Variants in GRB10 observed in about 807,000 individuals in gnomAD.
GRB10 encodes the protein growth factor receptor bound protein 10, also known as growth factor receptor-bound protein 10.
Under a neutral mutation model 80.9 loss-of-function variants are expected in GRB10, and 20 were observed. The observed-to-expected ratio is 0.25, with a 90% CI of 0.17 to 0.36. The LOEUF is 0.36. Ranked by LOEUF, GRB10 falls within the 10% of genes least tolerant of loss-of-function variation. GRB10 has a pLI of 1.00. For synonymous variants in GRB10, 291 were observed against 291.5 expected, an observed-to-expected ratio of 1.00 and a Z score of 0.02; for missense variants, 548 against 747.7, an observed-to-expected ratio of 0.73 and a Z score of 3.12.
intron 7 of GRB10, among the ~76,000 whole-genome samples, chr7:50,633,139 T>G (rs2715116): frequency 0.53 from 80,193 of 152,072 alleles, 21,296 homozygotes; most frequent in Admixed American, 0.54. Flanking sequence ...AAGTAATTCC[T>G]GCTGACAGTA....
chr7:50,767,206 G>A (rs1279297740), intron 2 of GRB10, among the ~76,000 whole-genome samples: 3 of 152,192 alleles, frequency 2.0e-5, no homozygotes, highest in African/African-American at 7.2e-5. Flanking sequence ...CTGCCGGGAA[G>A]TCCAAGGCAG....
intron 8 of GRB10, among the ~76,000 whole-genome samples, chr7:50,625,066 T>C (rs1246824478): frequency 6.6e-6 from 1 of 152,236 alleles, no homozygotes; most frequent in Non-Finnish European, 1.5e-5. Context: ...TCTCTCAGAG[T>C]AAATGGTTCT....
chr7:50,645,483 C>T lies in GRB10; in HGVS notation c.505-18505G>A, dbSNP rs1046087645. On this transcript the variant is annotated intron_variant, in intron 7 of 18. Transcript: ENST00000401949. Reference sequence around the variant, plus strand: ...AAGAAACATGAGCCAAAAACACTGCCATTTGGGCACTAACTCCTTTAAAAC... The same window carrying T: ...AAGAAACATGAGCCAAAAACACTGCTATTTGGGCACTAACTCCTTTAAAAC... The T allele has an allele frequency of 3.7e-5, 16 of 429,252 alleles. No individual in the cohort carries two copies. The Admixed American group carries it at 1.0e-3, about 27-fold the overall frequency. The allele number at this position is 429,252 out of a possible 1,614,324, so 26.6% of individuals were successfully genotyped here. A position where few individuals can be genotyped will look rare whatever the true frequency, so the allele number is the denominator to read the frequency against.
intron 2 of GRB10, among the ~76,000 whole-genome samples, chr7:50,774,014 T>C (rs1156443445): frequency 6.6e-6 from 1 of 152,202 alleles, no homozygotes; most frequent in Non-Finnish European, 1.5e-5. Flanking sequence ...CAAGGGAATA[T>C]TATTCAGCCA....
At chr7:50,709,930 C>T (rs1356873517) in intron 4 of GRB10, among the ~76,000 whole-genome samples, 2 of 152,056 alleles carry the variant, frequency 1.3e-5, no homozygotes, top group Admixed American at 1.3e-4. Flanking sequence ...CTCCATGGCA[C>T]TCTAGGAGCC....
intron 2 of GRB10, among the ~76,000 whole-genome samples, chr7:50,765,412 C>A (rs2076236364): frequency 6.6e-6 from 1 of 152,200 alleles, no homozygotes; most frequent in South Asian, 2.1e-4. Flanking sequence ...TGGAATCGAT[C>A]TAAGTGTCCA....
At chr7:50,664,268 G>C (rs2059573433) in intron 7 of GRB10, among the ~76,000 whole-genome samples, 1 of 152,172 alleles carries the variant, frequency 6.6e-6, no homozygotes, top group Non-Finnish European at 1.5e-5. Context: ...CCACCAGCCT[G>C]AACAGTCAAA....
chr7:50,703,019 C>T (rs2064470635), intron 5 of GRB10, among the ~76,000 whole-genome samples: 1 of 152,212 alleles, frequency 6.6e-6, no homozygotes, highest in Admixed American at 6.5e-5. Context: ...CGCATCATGT[C>T]ACTTCAAAGT....
At chr7:50,600,813 G>C (rs1316616199) in intron 17 of GRB10, among the ~76,000 whole-genome samples, 1 of 152,228 alleles carries the variant, frequency 6.6e-6, no homozygotes, top group East Asian at 1.9e-4. Context: ...ATGACTCTCA[G>C]ATGAAGAAGT....
intron 17 of GRB10, among the ~76,000 whole-genome samples, chr7:50,596,638 T>C (rs1171699411): frequency 6.6e-6 from 1 of 152,252 alleles, no homozygotes. Context: ...GTTATAGAAG[T>C]TCTTGTTCTT....
chr7:50,688,229 T>C (rs1362543305), intron 5 of GRB10, among the ~76,000 whole-genome samples: 3 of 152,226 alleles, frequency 2.0e-5, no homozygotes, highest in African/African-American at 7.2e-5. Context: ...CCAACATCTT[T>C]CAGTTTTCCC....
chr7:50,754,801 T>C (rs1265632162), intron 3 of GRB10, among the ~76,000 whole-genome samples: 1 of 152,160 alleles, frequency 6.6e-6, no homozygotes, highest in Non-Finnish European at 1.5e-5. Context: ...AACATTCCTA[T>C]GTTAAGCCCT....
chr7:50,779,595 T>C (rs1007885981), intron 2 of GRB10: 1 of 152,124 alleles, frequency 6.6e-6, no homozygotes, highest in African/African-American at 2.4e-5. Context: ...CAAACACCTG[T>C]TGAGTGAATG....
chr7:50,640,273 A>C (rs1586163370), intron 7 of GRB10, among the ~76,000 whole-genome samples: 1 of 152,216 alleles, frequency 6.6e-6, no homozygotes, highest in East Asian at 1.9e-4. Context: ...AGATCCCCAA[A>C]TGGGCTATGT....
chr7:50,709,385 C>T (rs1299297344), intron 4 of GRB10, among the ~76,000 whole-genome samples: 1 of 152,156 alleles, frequency 6.6e-6, no homozygotes, highest in Non-Finnish European at 1.5e-5. Flanking sequence ...GGTGGGCGGC[C>T]GAGGGAGCCA....
chr7:50,686,727 G>A (rs1425833405), intron 5 of GRB10, among the ~76,000 whole-genome samples: 1 of 152,142 alleles, frequency 6.6e-6, no homozygotes, highest in Non-Finnish European at 1.5e-5. Flanking sequence ...AATTCTCATA[G>A]TTCAAGCTTT....
upstream of GRB10, among the ~76,000 whole-genome samples, chr7:50,785,645 G>A (rs193168501): frequency 4.2e-4 from 64 of 152,316 alleles, 1 homozygote; most frequent in Admixed American, 2.4e-3. Context: ...TGCCCACCGC[G>A]GGCACCCCGC....
chr7:50,696,655 T>C (rs1461070764), intron 5 of GRB10, among the ~76,000 whole-genome samples: 1 of 152,204 alleles, frequency 6.6e-6, no homozygotes, highest in East Asian at 1.9e-4. Context: ...TGGCCAGGAA[T>C]CTCTGCTTGG....
chr7:50,594,891 G>C (rs1049807544), intron 18 of GRB10, among the ~76,000 whole-genome samples: 2 of 152,178 alleles, frequency 1.3e-5, no homozygotes, highest in Non-Finnish European at 2.9e-5. Context: ...TGTGGAAGGA[G>C]AAACAAAATT....
Sources: allele counts gnomAD v4.1 joint callset (sites outside exome capture counted in the v4.1 genomes callset), GRCh38; gene constraint gnomAD v4.1.1; transcripts MANE v1.5; gene names NCBI Gene and HGNC (gene_info 2026-07-23, HGNC 2026-07-21).